The following SIAH1 variants were observed in gnomAD, a reference collection of about 807,000 sequenced individuals.
SIAH1 encodes the protein E3 ubiquitin-protein ligase SIAH1.
In SIAH1, 2 loss-of-function variants were observed where a neutral mutation model predicts 20.0. The ratio of observed to expected loss-of-function variants is 0.10; its 90% CI spans 0.04 to 0.31. The LOEUF is 0.31. SIAH1 is among the 10% of genes least tolerant of loss of function. SIAH1 has a pLI of 1.00. For missense variants in SIAH1, 119 were observed against 355.3 expected, an observed-to-expected ratio of 0.33 and a Z score of 5.35; for synonymous variants, 118 against 125.3, an observed-to-expected ratio of 0.94 and a Z score of 0.39.
intron 1 of SIAH1, among the ~76,000 whole-genome samples, chr16:48,384,511 C>T (rs1961387597): frequency 6.6e-6 from 1 of 152,196 alleles, no homozygotes; most frequent in African/African-American, 2.4e-5. Context: ...TAAGCTAGAG[C>T]TTCCCCGGCA....
chr16:48,385,780 G>C (rs369299295), upstream of SIAH1, among the ~76,000 whole-genome samples: 55 of 151,994 alleles, frequency 3.6e-4, no homozygotes, highest in South Asian at 5.2e-3. Flanking sequence ...GTCGCCCAGC[G>C]GGATGCGAGC....
chr16:48,363,403 G>A (rs1280627199), intron 1 of SIAH1: 1 of 167,090 alleles, frequency 6.0e-6, no homozygotes, highest in Non-Finnish European at 1.5e-5. Context: ...GTGAGGGGAT[G>A]TACTCGCTAG....
intron 1 of SIAH1, among the ~76,000 whole-genome samples, chr16:48,377,059 T>G (rs192291556): frequency 6.6e-6 from 1 of 152,194 alleles, no homozygotes; most frequent in African/African-American, 2.4e-5. Context: ...GATGTGACAC[T>G]AATAAATAAC....
At chr16:48,381,125 A>C (rs1232545247) in intron 1 of SIAH1, among the ~76,000 whole-genome samples, 1 of 151,914 alleles carries the variant, frequency 6.6e-6, no homozygotes, top group Non-Finnish European at 1.5e-5. Flanking sequence ...CAGGCAGATC[A>C]CCTGAGGTCA....
intron 1 of SIAH1, chr16:48,365,398 C>T: frequency 6.2e-7 from 1 of 1,614,026 alleles, no homozygotes; most frequent in Non-Finnish European, 8.5e-7. Flanking sequence ...TTTTCTCTTC[C>T]TTGTCCTGGC....
In SIAH1 at chr16:48,362,380, G is replaced by A. The variant is rs1597018082; in HGVS notation, c.49C>T (p.Pro17Ser). Reference protein sequence around the residue: ...TALPTGTSKCPPSQRVPALTG... With the variant: ...TALPTGTSKCSPSQRVPALTG... ...AGGGCAGGCACCCTCTGGGATGGTG[G>A]ACACTTCGAGGTACCGGTAGGTAAT... Residue 17 changes from proline (P) to serine (S), a missense_variant, in exon 2 of 2, where the codon CCA (proline) becomes TCA (serine). Around this residue, in one of 2 missense-constraint regions of SIAH1, gnomAD observed 35 missense variants for 47.5 expected, o/e 0.74. Transcript: ENST00000394725. This position sits in a 1 kb window ranked among gnomAD's most constrained non-coding sequence, Gnocchi z 4.2. 1.2e-6 allele frequency: 2 copies of A among 1,614,148 alleles called. No homozygotes were observed. The highest frequency in any genetic ancestry group is 2.2e-5 in the East Asian group (1 of 44,886).
At chr16:48,387,084 AG>A (rs1961481774), upstream of SIAH1, 1 of 152,234 alleles carries the variant, frequency 6.6e-6, no homozygotes, top group Non-Finnish European at 1.5e-5. Context: ...CTTAAACTGC[AG>A]GGGTGCCCAG....
Position 48,385,251 on chromosome 16 carries a change from C to A in SIAH1, c.-50G>T. On this transcript the variant is annotated 5_prime_UTR_variant, in exon 1 of 2. Coordinates refer to ENST00000394725, the MANE Select transcript of SIAH1 (RefSeq NM_003031.4). Reference sequence around the variant, plus strand: ...GGACCCCGGTCCTGGCACCAACGCGCTCCGTCGCCAACCCCCGCCACCGCG... The same window carrying A: ...GGACCCCGGTCCTGGCACCAACGCGATCCGTCGCCAACCCCCGCCACCGCG... 1 of 322,678 alleles carries A rather than the reference C, an allele frequency of 3.1e-6. No individual in the cohort carries two copies. The highest frequency in any genetic ancestry group is 6.6e-6 in the Non-Finnish European group (1 of 152,338). The allele number at this position is 322,678 out of a possible 1,614,324, so 20.0% of individuals were successfully genotyped here.
chr16:48,385,380 G>GGCCGCC lies in SIAH1; in HGVS notation c.-185_-180dup, dbSNP rs543688431. ...GCAACGGCCGCCCCGGCTCCCCCCT[G>GGCCGCC]GCCGCCGCCGCCGCCGCCGTTTCGC... On this transcript the variant is annotated 5_prime_UTR_variant, in exon 1 of 2. Transcript: ENST00000394725. 3.0e-4 allele frequency: 46 copies of GGCCGCC among 154,820 alleles called. No homozygotes were observed. In the East Asian group the frequency reaches 5.7e-3, roughly 19 times the overall value. The allele number at this position is 154,820 out of a possible 1,614,324, so 9.6% of individuals were successfully genotyped here.
rs549292591 is a variant in SIAH1, at chr16:48,377,517, T to G, written c.-3+7687A>C. 2.0e-5 allele frequency among the ~76,000 whole-genome samples: 3 copies of G among 151,530 alleles called. No individual in the cohort carries two copies. The South Asian group carries it at 6.2e-4, about 32-fold the overall frequency. The stretch of plus-strand genomic sequence containing the variant: ...TGATTCTCCTGCCTCAGCCTCCGAG[T>G]AGCTGGAATTACAGGGGGATGACAC... On this transcript the variant is annotated intron_variant, in intron 1 of 1. Transcript: ENST00000394725.
rs1416992742 is a variant in SIAH1 at position 48,385,249 on chromosome 16, C to T, written c.-48G>A. 3.1e-6 allele frequency: 1 copy of T among 322,800 alleles called. No individual in the cohort carries two copies. The highest frequency in any genetic ancestry group is 6.6e-6 in the Non-Finnish European group (1 of 152,436). 20.0% of individuals were successfully genotyped at this position (322,800 alleles called of 1,614,324 possible). A position where few individuals can be genotyped will look rare whatever the true frequency, so the allele number is the denominator to read the frequency against. ...TCGGACCCCGGTCCTGGCACCAACG[C>T]GCTCCGTCGCCAACCCCCGCCACCG... On this transcript the variant is annotated 5_prime_UTR_variant, in exon 1 of 2. Transcript: ENST00000394725.
At chr16:48,379,261 G>A (rs768529475) in intron 1 of SIAH1, among the ~76,000 whole-genome samples, 1 of 152,036 alleles carries the variant, frequency 6.6e-6, no homozygotes, top group Non-Finnish European at 1.5e-5. Flanking sequence ...GGGAAGGCAG[G>A]GAACAGCAAT....
chr16:48,386,585 T>C (rs983365184), upstream of SIAH1, among the ~76,000 whole-genome samples: 2 of 152,250 alleles, frequency 1.3e-5, no homozygotes, highest in African/African-American at 2.4e-5. Flanking sequence ...AAAGTTTATA[T>C]GTGCAAAACA....
intron 1 of SIAH1, among the ~76,000 whole-genome samples, chr16:48,383,970 C>A (rs1961363613): frequency 6.6e-6 from 1 of 152,200 alleles, no homozygotes; most frequent in Admixed American, 6.5e-5. Context: ...CTATTGTCAT[C>A]TCATCAATTC....
Position 48,376,240 on chromosome 16 carries a change from T to C in SIAH1, c.-3+8964A>G, listed in dbSNP as rs1961107255. ...ATCTCTCCAATGTTTCATAAAATTA[T>C]TGGCAACAAAAAATATTACACTTAA... On this transcript the variant is annotated intron_variant, in intron 1 of 1. Transcript: ENST00000394725. Among the ~76,000 whole-genome samples, 3 of 152,334 alleles carry C rather than the reference T, an allele frequency of 2.0e-5. No individual in the cohort carries two copies. The South Asian group carries it at 6.2e-4, about 32-fold the overall frequency.
chr16:48,380,910 CAG>C (rs1597033562), intron 1 of SIAH1, among the ~76,000 whole-genome samples: 1 of 70,838 alleles, frequency 1.4e-5, no homozygotes, highest in Non-Finnish European at 2.8e-5. Context: ...GCCTGGGCGA[CAG>C]AGTGAGACTC....
chr16:48,367,625 T>C (rs978164260), intron 1 of SIAH1, among the ~76,000 whole-genome samples: 1 of 152,222 alleles, frequency 6.6e-6, no homozygotes, highest in African/African-American at 2.4e-5. Flanking sequence ...AATTGCCAAG[T>C]CATCAATTAG....
intron 1 of SIAH1, among the ~76,000 whole-genome samples, chr16:48,380,928 C>CAAAGAAAAAAAAAAAAAA (rs1961263711): frequency 2.2e-5 from 1 of 44,956 alleles, no homozygotes; most frequent in Non-Finnish European, 3.7e-5. Flanking sequence ...GACTCCGTCT[C>CAAAGAAAAAAAAAAAAAA]AAAAAAAAAA....
intron 1 of SIAH1, among the ~76,000 whole-genome samples, chr16:48,384,317 G>A (rs1597036089): frequency 6.6e-6 from 1 of 152,266 alleles, no homozygotes; most frequent in East Asian, 1.9e-4. Flanking sequence ...GAACACCCAA[G>A]CTGGACTTTT....
Sources: allele counts gnomAD v4.1 joint callset (sites outside exome capture counted in the v4.1 genomes callset), GRCh38; gene constraint gnomAD v4.1.1; regional missense constraint gnomAD v4.1.1; non-coding constraint Gnocchi (gnomAD v3.1); transcripts MANE v1.5; gene names NCBI Gene and HGNC (gene_info 2026-07-23, HGNC 2026-07-21).